The following SCNN1B variants were observed in gnomAD, a reference collection of about 807,000 sequenced individuals.
SCNN1B encodes the protein sodium channel epithelial 1 subunit beta, also known as epithelial sodium channel subunit beta.
A neutral mutation model predicts 65.3 loss-of-function variants in SCNN1B; 46 were observed. The ratio of observed to expected loss-of-function variants is 0.70; its 90% CI spans 0.56 to 0.90. SCNN1B has a LOEUF of 0.90. SCNN1B is among the 40% of genes least tolerant of loss of function. The probability of loss-of-function intolerance (pLI) is 0.00; values close to 1 mark genes in which losing one functional copy is unlikely to be tolerated. For synonymous variants in SCNN1B, 349 were observed against 330.6 expected (o/e 1.06, Z -0.60); for missense variants, 751 against 830.5 (o/e 0.90, Z 1.18).
intron 10 of SCNN1B, 95 bp downstream of exon 10, chr16:23,377,481 G>C (rs1437999572): frequency 8.8e-7 from 1 of 1,131,536 alleles, no homozygotes; most frequent in Non-Finnish European, 1.3e-6. Context: ...TGAAGGGGGT[G>C]CCTTTTTCCC....
chr16:23,375,217 C>G (rs887315223), intron 7 of SCNN1B, among the ~76,000 whole-genome samples: 1 of 152,168 alleles, frequency 6.6e-6, no homozygotes, highest in Admixed American at 6.5e-5. Context: ...GGGCCACTCA[C>G]TTCCTCTGTC....
chr16:23,350,796 C>G (rs1329631696), intron 2 of SCNN1B, among the ~76,000 whole-genome samples: 1 of 151,986 alleles, frequency 6.6e-6, no homozygotes, highest in Non-Finnish European at 1.5e-5. Context: ...GCCTGTAAAC[C>G]CAGCTACTCA....
At chr16:23,318,779 G>A (rs1035141269) in intron 1 of SCNN1B, among the ~76,000 whole-genome samples, 1 of 152,204 alleles carries the variant, frequency 6.6e-6, no homozygotes, top group African/African-American at 2.4e-5. Context: ...TTGCCAGCCA[G>A]AAAGGTGGGG....
chr16:23,337,550 G>A (rs1046620061), intron 1 of SCNN1B, among the ~76,000 whole-genome samples: 85 of 151,686 alleles, frequency 5.6e-4, no homozygotes, highest in African/African-American at 1.7e-3. Flanking sequence ...GCTAATTTTT[G>A]TATTTTTAGT....
chr16:23,309,245 C>A (rs146913529), intron 1 of SCNN1B, among the ~76,000 whole-genome samples: 173 of 152,214 alleles, frequency 1.1e-3, no homozygotes, highest in African/African-American at 3.9e-3. Flanking sequence ...CTGCCCCCAC[C>A]TGAGGGCCTG....
At chr16:23,324,188 C>CTT (rs780078926) in intron 1 of SCNN1B, among the ~76,000 whole-genome samples, 98 of 137,502 alleles carry the variant, frequency 7.1e-4, no homozygotes, top group African/African-American at 2.3e-3. Context: ...CAAAAGCTCA[C>CTT]TTTTTTTTTT....
intron 2 of SCNN1B, among the ~76,000 whole-genome samples, chr16:23,284,033 G>A (rs553778470): frequency 6.6e-6 from 1 of 152,308 alleles, no homozygotes; most frequent in East Asian, 1.9e-4. Flanking sequence ...TCCTGCCAGT[G>A]CCTCTTTTTG....
intron 1 of SCNN1B, among the ~76,000 whole-genome samples, chr16:23,344,867 G>C (rs565261329): frequency 1.3e-5 from 2 of 152,270 alleles, no homozygotes; most frequent in South Asian, 4.1e-4. Flanking sequence ...GGTGGCATGC[G>C]CCTGTAGTCC....
intron 1 of SCNN1B, among the ~76,000 whole-genome samples, chr16:23,307,309 T>TC: frequency 6.7e-6 from 1 of 150,318 alleles, no homozygotes; most frequent in African/African-American, 2.5e-5. Flanking sequence ...TTTTTTTTTT[T>TC]TTTTTTGGTG....
intron 4 of SCNN1B, among the ~76,000 whole-genome samples, chr16:23,360,317 C>T (rs1962520273): frequency 6.6e-6 from 1 of 152,098 alleles, no homozygotes; most frequent in Non-Finnish European, 1.5e-5. Flanking sequence ...GGGAGAATCG[C>T]TTGAGGCCAG....
intron 1 of SCNN1B, among the ~76,000 whole-genome samples, chr16:23,315,519 G>A (rs1337409942): frequency 1.3e-5 from 2 of 152,144 alleles, no homozygotes; most frequent in African/African-American, 4.8e-5. Context: ...GAACAGGCAT[G>A]GGAGCCTAGT....
intron 1 of SCNN1B, chr16:23,323,522 G>T (rs1961631386): frequency 1.4e-6 from 1 of 702,862 alleles, no homozygotes; most frequent in Non-Finnish European, 2.6e-6. Flanking sequence ...TCAACTCAAT[G>T]AACTCAGTAC....
intron 5 of SCNN1B, among the ~76,000 whole-genome samples, chr16:23,369,254 G>T (rs1438661416): frequency 6.6e-6 from 1 of 151,960 alleles, no homozygotes; most frequent in Non-Finnish European, 1.5e-5. Context: ...ATTGCAGGTG[G>T]CTAATTTTTT....
At chr16:23,331,734 G>A (rs1404115986) in intron 1 of SCNN1B, among the ~76,000 whole-genome samples, 1 of 152,088 alleles carries the variant, frequency 6.6e-6, no homozygotes, top group Non-Finnish European at 1.5e-5. Flanking sequence ...ATTTGGTGGG[G>A]GGACACATTC....
chr16:23,287,805 C>T (rs1050779715), intron 2 of SCNN1B, among the ~76,000 whole-genome samples: 7 of 139,498 alleles, frequency 5.0e-5, no homozygotes, highest in Admixed American at 2.1e-4. Context: ...AACTAAGTAG[C>T]GTTTCCTTTT....
Position 23,375,846 on chromosome 16 carries a change from C to T in SCNN1B, c.1261C>T (p.Pro421Ser), listed in dbSNP as rs1962882524. The T allele has an allele frequency of 6.2e-7, 1 of 1,610,406 alleles. No homozygotes were observed. The highest frequency in any genetic ancestry group is 2.2e-5 in the East Asian group (1 of 44,866). ...GAAATACTGCAACAACCGGGACTTC[C>T]CAGACTGGGGTGAGCGGGGGCACGG... ...GEKYCNNRDFPDWAHCYSDLQ... is the reference protein window; with the variant it reads ...GEKYCNNRDFSDWAHCYSDLQ... The change falls in exon 8 of 13, where the codon CCA (proline) becomes TCA (serine). Residue 421 changes from proline to serine, a missense_variant. Coordinates refer to ENST00000343070, the MANE Select transcript of SCNN1B (RefSeq NM_000336.3).
At chr16:23,281,621 C>A (rs1213211645) in intron 1 of SCNN1B, among the ~76,000 whole-genome samples, 2 of 152,126 alleles carry the variant, frequency 1.3e-5, no homozygotes, top group Non-Finnish European at 2.9e-5. Context: ...TACATATTCT[C>A]ACTTATAAGT....
At chr16:23,365,793 C>T (rs1381435865) in intron 4 of SCNN1B, among the ~76,000 whole-genome samples, 1 of 152,220 alleles carries the variant, frequency 6.6e-6, no homozygotes, top group Non-Finnish European at 1.5e-5. Context: ...TTTCTTCCTG[C>T]TTCCCCTTGC....
intron 1 of SCNN1B, among the ~76,000 whole-genome samples, chr16:23,333,551 G>C (rs117074052): frequency 0.02 from 2,973 of 152,278 alleles, 51 homozygotes; most frequent in Non-Finnish European, 0.031. Context: ...AATAACAATA[G>C]CTGCCATTTA....
Sources: allele counts gnomAD v4.1 joint callset (sites outside exome capture counted in the v4.1 genomes callset), GRCh38; gene constraint gnomAD v4.1.1; transcripts MANE v1.5; gene names NCBI Gene and HGNC (gene_info 2026-07-23, HGNC 2026-07-21).